Variants in SVOPL observed in about 807,000 individuals in gnomAD.
SVOPL encodes the protein SVOP like, also known as putative transporter SVOPL.
SVOPL carries 60 observed loss-of-function variants against 61.0 expected under a neutral mutation model. The ratio of observed to expected loss-of-function variants is 0.98; its 90% CI spans 0.80 to 1.22. The LOEUF is 1.22. SVOPL is among the 50% of genes most tolerant of loss of function. The pLI is 0.00. For missense variants in SVOPL, 662 were observed against 643.9 expected, an observed-to-expected ratio of 1.03 and a Z score of -0.30; for synonymous variants, 279 against 250.0, an observed-to-expected ratio of 1.12 and a Z score of -1.09.
intron 1 of SVOPL, among the ~76,000 whole-genome samples, chr7:138,680,315 A>AT (rs1325263617): frequency 1.3e-5 from 2 of 151,564 alleles, no homozygotes; most frequent in Admixed American, 1.3e-4. Flanking sequence ...CACTGGGCTA[A>AT]TTTTTGTGTT....
intron 12 of SVOPL, among the ~76,000 whole-genome samples, chr7:138,626,307 G>A (rs903094707): frequency 9.9e-5 from 15 of 152,192 alleles, no homozygotes; most frequent in African/African-American, 3.4e-4. Flanking sequence ...GCTGGGCACA[G>A]TGGCTCACAC....
chr7:138,599,167 A>AAAAAAAAAAAAAAAAAAAAAC (rs58372563), intron 14 of SVOPL, among the ~76,000 whole-genome samples: 4 of 121,808 alleles, frequency 3.3e-5, no homozygotes, highest in Non-Finnish European at 5.0e-5. Context: ...ACCAAAAAAA[A>AAAAAAAAAAAAAAAAAAAAAC]AAGAAATACA....
At chr7:138,675,814 T>C (rs766186898) in intron 3 of SVOPL, among the ~76,000 whole-genome samples, 19 of 152,048 alleles carry the variant, frequency 1.2e-4, no homozygotes, top group Non-Finnish European at 2.2e-4. Context: ...TGATTATCAT[T>C]ATGCATCTGG....
intron 15 of SVOPL, among the ~76,000 whole-genome samples, 156 bp from the exon 16 acceptor site, chr7:138,594,777 A>G (rs1343716464): frequency 6.6e-6 from 1 of 152,166 alleles, no homozygotes; most frequent in African/African-American, 2.4e-5. Flanking sequence ...CTGAAGATAC[A>G]ATGCTAACTT....
intron 3 of SVOPL, among the ~76,000 whole-genome samples, chr7:138,673,543 G>A: frequency 6.6e-6 from 1 of 152,078 alleles, no homozygotes; most frequent in Non-Finnish European, 1.5e-5. Context: ...TACTCAGGAG[G>A]GTGAGGCACG....
At chr7:138,640,231 T>TTA (rs1554464285) in intron 9 of SVOPL, among the ~76,000 whole-genome samples, 1 of 148,716 alleles carries the variant, frequency 6.7e-6, no homozygotes, top group African/African-American at 2.5e-5. Context: ...CTTTTTTTTT[T>TTA]ATATTTATTT....
chr7:138,698,317 C>T (rs912138518), intron 1 of SVOPL, among the ~76,000 whole-genome samples: 1 of 152,162 alleles, frequency 6.6e-6, no homozygotes, highest in African/African-American at 2.4e-5. Flanking sequence ...ATCAGGGTTT[C>T]CCTTGTACCT....
chr7:138,682,968 CAAAAA>C (rs762982090), intron 1 of SVOPL, among the ~76,000 whole-genome samples: 11 of 95,436 alleles, frequency 1.2e-4, no homozygotes, highest in Admixed American at 6.6e-4. Flanking sequence ...AACTCCATCT[CAAAAA>C]AAAAAAAAAG....
intron 14 of SVOPL, among the ~76,000 whole-genome samples, chr7:138,602,479 A>ATATATATATATATAT (rs1189679178): frequency 6.7e-6 from 1 of 149,926 alleles, no homozygotes; most frequent in African/African-American, 2.4e-5. Context: ...ATATATATGT[A>ATATATATATATATAT]GATGTGTGTG....
intron 14 of SVOPL, among the ~76,000 whole-genome samples, chr7:138,601,967 T>C (rs548178505): frequency 2.0e-5 from 3 of 152,346 alleles, no homozygotes; most frequent in African/African-American, 7.2e-5. Flanking sequence ...CACTAGTATG[T>C]AACTTCAAAG....
At chr7:138,698,748 T>C (rs1412208105) in intron 1 of SVOPL, among the ~76,000 whole-genome samples, 1 of 152,200 alleles carries the variant, frequency 6.6e-6, no homozygotes, top group Non-Finnish European at 1.5e-5. Context: ...CAATGTGCCA[T>C]TGCATCAAAA....
chr7:138,661,454 C>A (rs1390991039), intron 5 of SVOPL: 1 of 982,866 alleles, frequency 1.0e-6, no homozygotes, highest in East Asian at 1.1e-4. Flanking sequence ...TTATCAGGTC[C>A]AGAGACACAG....
chr7:138,631,478 A>T (rs1800186937), intron 9 of SVOPL, among the ~76,000 whole-genome samples: 1 of 151,640 alleles, frequency 6.6e-6, no homozygotes, highest in South Asian at 2.1e-4. Context: ...CCATCCTTCC[A>T]CTATTCTTCC....
At position 138,596,492 on chromosome 7, in the gene SVOPL, G is replaced by A; in HGVS notation, c.1392C>T (p.Leu464=). Residue 464 remains leucine (L), a synonymous_variant, in exon 15 of 16, where the codon CTC becomes CTT. Coordinates refer to ENST00000674285, the MANE Select transcript of SVOPL (RefSeq NM_001139456.2). ...CGCATACAACACAGACAGATGAGAA[G>A]AGACACAGGGCCCCCAGTATTGATG... ...MSASILGALC[L]FSSVCVVCAI... 6.2e-7 allele frequency: 1 copy of A among 1,613,886 alleles called. No individual in the cohort carries two copies. Among genetic ancestry groups the A allele is most frequent in the African/African-American group, 1.3e-5 (1 of 75,020 alleles).
At chr7:138,689,171 T>C (rs9986882) in intron 1 of SVOPL, 470,356 of 1,030,926 alleles carry the variant, frequency 0.46, 112,701 homozygotes, top group African/African-American at 0.8. Context: ...GATGTTACAA[T>C]GGTGGAGTGG....
chr7:138,632,725 G>A (rs1273900801), intron 9 of SVOPL, among the ~76,000 whole-genome samples: 1 of 151,210 alleles, frequency 6.6e-6, no homozygotes, highest in Admixed American at 6.6e-5. Flanking sequence ...GTTGTGGAGG[G>A]AGGATGGGGG....
At chr7:138,676,180 C>A (rs768441198) in intron 3 of SVOPL, among the ~76,000 whole-genome samples, 1 of 152,140 alleles carries the variant, frequency 6.6e-6, no homozygotes, top group African/African-American at 2.4e-5. Context: ...AAGGAGAAAG[C>A]GGGAGTAGTG....
chr7:138,628,046 T>C (rs1799970584), intron 11 of SVOPL, 112 bp downstream of exon 11: 1 of 1,258,084 alleles, frequency 7.9e-7, no homozygotes, highest in African/African-American at 1.5e-5. Flanking sequence ...GGCAACTTAT[T>C]CAGTTCTGCT....
intron 1 of SVOPL, among the ~76,000 whole-genome samples, chr7:138,694,060 G>A (rs1342900823): frequency 6.6e-6 from 1 of 152,218 alleles, no homozygotes; most frequent in African/African-American, 2.4e-5. Context: ...TATACCAAGT[G>A]CAAGGGAAAT....
Sources: allele counts gnomAD v4.1 joint callset (sites outside exome capture counted in the v4.1 genomes callset), GRCh38; gene constraint gnomAD v4.1.1; transcripts MANE v1.5; gene names NCBI Gene and HGNC (gene_info 2026-07-23, HGNC 2026-07-21).